Variants in C14orf93 observed in about 807,000 individuals in gnomAD.
The protein encoded by C14orf93 is uncharacterized protein C14orf93.
In C14orf93, 23 loss-of-function variants were observed where a neutral mutation model predicts 44.0. The observed-to-expected ratio is 0.52, with a 90% CI of 0.38 to 0.74. The LOEUF (loss-of-function observed/expected upper bound fraction) is 0.74. C14orf93 is among the 30% of genes least tolerant of loss of function. The pLI, the probability that C14orf93 is intolerant of heterozygous loss-of-function variation, is 0.00. For synonymous variants in C14orf93, 253 were observed against 265.7 expected (o/e 0.95, Z 0.46); for missense variants, 579 against 678.9 (o/e 0.85, Z 1.64).
intron 2 of C14orf93, 57 bp downstream of exon 2, chr14:22,998,370 A>G (rs2046116063): frequency 4.2e-6 from 6 of 1,443,024 alleles, no homozygotes; most frequent in African/African-American, 1.4e-5. Context: ...GAAAGGAAAA[A>G]GAGTGAAAAG....
At chr14:22,995,276 C>A (rs1222503768) in intron 3 of C14orf93, among the ~76,000 whole-genome samples, 1 of 152,210 alleles carries the variant, frequency 6.6e-6, no homozygotes, top group Non-Finnish European at 1.5e-5. Context: ...ACCCAAGGTG[C>A]CCCTTGTCAC....
intron 3 of C14orf93, among the ~76,000 whole-genome samples, chr14:22,991,630 G>T (rs1399973368): frequency 2.7e-5 from 4 of 150,294 alleles, no homozygotes; most frequent in Non-Finnish European, 5.9e-5. Context: ...GAGTGCAATG[G>T]CGGGATCTCG....
rs56841643 is a variant in C14orf93 at position 22,990,216 on chromosome 14, C to T, written c.919-89G>A. The T allele has an allele frequency of 9.1e-4, 1,009 of 1,110,316 alleles. 8 individuals are homozygous for T. In the East Asian group the frequency reaches 0.022, roughly 24 times the overall value. The allele number at this position is 1,110,316 out of a possible 1,614,324, so 68.8% of individuals were successfully genotyped here. The stretch of plus-strand genomic sequence containing the variant: ...TCCCTAGGGTAAAAAGGTATTGTCC[C>T]TAAGGGGCTCTCTGCCTGAATCCTT... On this transcript the variant is annotated intron_variant, in intron 3 of 6. Transcript: ENST00000299088.
At position 22,999,171 on chromosome 14, in the gene C14orf93, T is replaced by C; in HGVS notation, c.-148A>G. On this transcript the variant is annotated 5_prime_UTR_variant, in exon 2 of 7. Transcript: ENST00000299088. ...AGCTGTAGGGTCTGTGAAAGAAGAG[T>C]AAACAAGCCATGAAGAAGCACACAG... The C allele has an allele frequency of 7.8e-7, 1 of 1,275,760 alleles. No individual in the cohort carries two copies. The highest frequency in any genetic ancestry group is 1.0e-6 in the Non-Finnish European group (1 of 954,380). The allele number at this position is 1,275,760 out of a possible 1,614,324, so 79.0% of individuals were successfully genotyped here.
chr14:22,993,629 T>A lies in C14orf93; in HGVS notation c.918+2319A>T, dbSNP rs2045795519. Among the ~76,000 whole-genome samples, 3 of 152,272 alleles carry A rather than the reference T, an allele frequency of 2.0e-5. No homozygotes were observed. In the South Asian group the frequency reaches 6.2e-4, roughly 32 times the overall value. On this transcript the variant is annotated intron_variant, in intron 3 of 6. Coordinates refer to ENST00000299088, the MANE Select transcript of C14orf93 (RefSeq NM_021944.4). Reference sequence around the variant, plus strand: ...AAGTGGCTTGGAAGAGATCAGCTGATAAAAATCAAAACAGGCTTGACATGG... The same window carrying A: ...AAGTGGCTTGGAAGAGATCAGCTGAAAAAAATCAAAACAGGCTTGACATGG...
At chr14:23,008,179 A>C (rs2046730831) in intron 1 of C14orf93, among the ~76,000 whole-genome samples, 1 of 146,246 alleles carries the variant, frequency 6.8e-6, no homozygotes, top group African/African-American at 2.6e-5. Flanking sequence ...AAAAAAAAAA[A>C]ACTCCCATCA....
rs567512227 is a variant in C14orf93 at position 22,998,146 on chromosome 14, G to C, written c.597+281C>G. The C allele has an allele frequency of 5.2e-6, 2 of 387,184 alleles. 1 individual carries two copies. Among genetic ancestry groups the C allele is most frequent in the African/African-American group, 4.1e-5 (2 of 48,250 alleles). The allele number at this position is 387,184 out of a possible 1,614,324, so 24.0% of individuals were successfully genotyped here. On this transcript the variant is annotated intron_variant, in intron 2 of 6. Transcript: ENST00000299088. The stretch of plus-strand genomic sequence containing the variant: ...GAGGCAGAGTCCATGGAGCAGCCGA[G>C]ACAGCTGTGGAAGAGAAGGTGCCAT...
chr14:22,996,134 G>A lies in C14orf93; in HGVS notation c.732C>T (p.Thr244=), dbSNP rs147088064. Residue 244 remains threonine, a synonymous_variant, in exon 3 of 7, where the codon ACC becomes ACT. Coordinates refer to ENST00000299088, the MANE Select transcript of C14orf93 (RefSeq NM_021944.4). This position sits in a 1 kb window ranked among gnomAD's most constrained non-coding sequence, Gnocchi z 4.1. ...ATPETGPENG[T]KLPPPRPEDM... Reference sequence around the variant, plus strand: ...CCTCAGGGCGGGGTGGTGGCAGCTTGGTTCCATTTTCTGGTCCTGTCTCTG... The same window carrying A: ...CCTCAGGGCGGGGTGGTGGCAGCTTAGTTCCATTTTCTGGTCCTGTCTCTG... 2.8e-5 allele frequency: 45 copies of A among 1,613,952 alleles called. No homozygotes were observed. Among genetic ancestry groups the A allele is most frequent in the Non-Finnish European group, 3.6e-5 (43 of 1,179,986 alleles).
At chr14:22,989,699 G>T in intron 5 of C14orf93, 43 bp downstream of exon 5, 1 of 1,299,790 alleles carries the variant, frequency 7.7e-7, no homozygotes, top group Non-Finnish European at 1.1e-6. Context: ...TGGGAGGAGA[G>T]GGGGAGAAAG....
At chr14:22,994,901 T>TG (rs1332886174) in intron 3 of C14orf93, among the ~76,000 whole-genome samples, 1 of 152,130 alleles carries the variant, frequency 6.6e-6, no homozygotes, top group African/African-American at 2.4e-5. Context: ...ACCCACTAGA[T>TG]GTCAGTAGCA....
At chr14:22,992,819 G>A (rs2045738583) in intron 3 of C14orf93, among the ~76,000 whole-genome samples, 2 of 150,998 alleles carry the variant, frequency 1.3e-5, no homozygotes, top group South Asian at 2.1e-4. Context: ...TCCTGACCTC[G>A]TGATCCACCC....
In C14orf93 at chr14:22,994,734, G is replaced by GA. The variant is rs58652858; in HGVS notation, c.918+1213dup. On this transcript the variant is annotated intron_variant, in intron 3 of 6. Coordinates refer to ENST00000299088, the MANE Select transcript of C14orf93 (RefSeq NM_021944.4). ...GGGAGTGAGACCCTGTCTCAAGAAAGAAAAAAAAAAAAAAGAAGTTTTTGG... is the reference window on the plus strand; with the variant it reads ...GGGAGTGAGACCCTGTCTCAAGAAAGAAAAAAAAAAAAAAAGAAGTTTTTGG... Among the ~76,000 whole-genome samples the GA allele has an allele frequency of 2.2e-3, 275 of 123,532 alleles. 2 individuals carry two copies. The highest frequency in any genetic ancestry group is 8.0e-3 in the Middle Eastern group (2 of 250). The allele number at this position is 123,532 out of a possible 152,430, so 81.0% of individuals were successfully genotyped here. A position where few individuals can be genotyped will look rare whatever the true frequency, so the allele number is the denominator to read the frequency against.
chr14:22,995,125 T>G (rs1018640714), intron 3 of C14orf93, among the ~76,000 whole-genome samples: 1 of 152,204 alleles, frequency 6.6e-6, no homozygotes, highest in African/African-American at 2.4e-5. Flanking sequence ...CAGGCAGACC[T>G]GGTTCAGGCC....
At position 22,996,034 on chromosome 14, in the gene C14orf93, G is replaced by A. The variant is rs766522355; in HGVS notation, c.832C>T (p.His278Tyr). Residue 278 changes from histidine to tyrosine, a missense_variant, in exon 3 of 7, where the codon CAC (histidine) becomes TAC (tyrosine). His to Tyr is a moderately conservative substitution (Grantham distance 83). Coordinates refer to ENST00000299088, the MANE Select transcript of C14orf93 (RefSeq NM_021944.4). This position sits in a 1 kb window ranked among gnomAD's most constrained non-coding sequence, Gnocchi z 4.1. ...GGGGAAACGGTCAGCCCTAGAGAGT[G>A]TCTCAGCTCCCCAGTGCTCCCAGGG... is the stretch of plus-strand genomic sequence containing the variant. ...SGPGSTGELR[H>Y]SLGLTVSPCR... 13 of 1,614,056 alleles carry A rather than the reference G, an allele frequency of 8.1e-6. No individual in the cohort carries two copies. The highest frequency in any genetic ancestry group is 1.1e-5 in the Non-Finnish European group (13 of 1,180,042).
intron 5 of C14orf93, among the ~76,000 whole-genome samples, chr14:22,988,897 G>C (rs1042363180): frequency 1.3e-5 from 2 of 151,984 alleles, no homozygotes; most frequent in African/African-American, 2.4e-5. Context: ...AGACCAGCCT[G>C]GGCAACATAG....
rs1404955882 is a variant in C14orf93, at chr14:22,996,002, C to T, written c.864G>A (p.Arg288=). 1.9e-6 allele frequency: 3 copies of T among 1,612,558 alleles called. No homozygotes were observed. Residue 288 remains arginine (R), a synonymous_variant, in exon 3 of 7, where the codon AGG becomes AGA. Coordinates refer to ENST00000299088, the MANE Select transcript of C14orf93 (RefSeq NM_021944.4). This position sits in a 1 kb window ranked among gnomAD's most constrained non-coding sequence, Gnocchi z 4.1. The part of the protein sequence containing the change: ...HSLGLTVSPC[R]TRGSGQKNSR... ...AGTTCTTCTGCCCACTTCCTCTGGTCCTGCATGGGGAAACGGTCAGCCCTA... is the reference window on the plus strand; with the variant it reads ...AGTTCTTCTGCCCACTTCCTCTGGTTCTGCATGGGGAAACGGTCAGCCCTA...
intron 3 of C14orf93, among the ~76,000 whole-genome samples, chr14:22,990,842 G>A (rs1347179639): frequency 1.4e-5 from 2 of 142,906 alleles, no homozygotes; most frequent in Admixed American, 7.1e-5. Context: ...TTTTTGAGAC[G>A]GAGTCTCGTT....
intron 5 of C14orf93, among the ~76,000 whole-genome samples, chr14:22,988,309 G>C (rs2045367706): frequency 6.6e-6 from 1 of 151,994 alleles, no homozygotes; most frequent in African/African-American, 2.4e-5. Context: ...CTTTTTAGTA[G>C]AGATGGGGTT....
At chr14:22,989,956 G>C (rs1594599715) in intron 4 of C14orf93, 110 bp downstream of exon 4, 2 of 1,410,190 alleles carry the variant, frequency 1.4e-6, no homozygotes, top group East Asian at 4.6e-5. Flanking sequence ...AGCCTAAGAA[G>C]GTATGGTGAG....
Sources: allele counts gnomAD v4.1 joint callset (sites outside exome capture counted in the v4.1 genomes callset), GRCh38; gene constraint gnomAD v4.1.1; non-coding constraint Gnocchi (gnomAD v3.1); transcripts MANE v1.5; gene names NCBI Gene and HGNC (gene_info 2026-07-23, HGNC 2026-07-21).